Variants in JAZF1 observed in about 807,000 individuals in gnomAD.
JAZF1 encodes juxtaposed with another zinc finger protein 1.
A neutral mutation model predicts 26.4 loss-of-function variants in JAZF1; 8 were observed. That is an observed-to-expected ratio of 0.30 (90% confidence interval 0.18 to 0.55). JAZF1 has a LOEUF of 0.55. JAZF1 is among the 20% of genes least tolerant of loss of function. The pLI, the probability that JAZF1 is intolerant of heterozygous loss-of-function variation, is 0.94. For missense variants in JAZF1, 199 were observed against 322.0 expected, an observed-to-expected ratio of 0.62 and a Z score of 2.92; for synonymous variants, 126 against 122.3, an observed-to-expected ratio of 1.03 and a Z score of -0.20.
rs112707592 is a variant in JAZF1 at position 28,095,358 on chromosome 7, G to A, written c.115+85105C>T. 9.2e-5 allele frequency among the ~76,000 whole-genome samples: 14 copies of A among 152,214 alleles called. No homozygotes were observed. The South Asian group carries it at 2.5e-3, about 27-fold the overall frequency. On this transcript the variant is annotated intron_variant, in intron 1 of 4. Coordinates refer to ENST00000283928, the MANE Select transcript of JAZF1 (RefSeq NM_175061.4). The stretch of plus-strand genomic sequence containing the variant: ...GCCTCAGGAAACTTACGATCATGGC[G>A]GATGGTGAAGGGGAAGCAAAACATG...
chr7:28,075,361 G>A (rs1477807288), intron 1 of JAZF1, among the ~76,000 whole-genome samples: 9 of 152,172 alleles, frequency 5.9e-5, no homozygotes, highest in African/African-American at 2.2e-4. Flanking sequence ...TTACAACAGG[G>A]CATTTACCTG....
At chr7:28,150,981 GC>G (rs1783103777) in intron 1 of JAZF1, among the ~76,000 whole-genome samples, 1 of 152,094 alleles carries the variant, frequency 6.6e-6, no homozygotes, top group African/African-American at 2.4e-5. Context: ...AAGTTATAAG[GC>G]AAATGGAAAA....
Position 27,840,629 on chromosome 7 carries a change from G to A in JAZF1, c.555+69C>T. ...TACGCTCGCTTTAAAATCAAGAAAG[G>A]GCTGCTGCCTTCCATGAAGCTTGCC... is the stretch of plus-strand genomic sequence containing the variant. On this transcript the variant is annotated intron_variant, in intron 4 of 4. Coordinates refer to ENST00000283928, the MANE Select transcript of JAZF1 (RefSeq NM_175061.4). This position sits in a 1 kb window ranked among gnomAD's most constrained non-coding sequence, Gnocchi z 5.1. 17 of 1,510,426 alleles carry A rather than the reference G, an allele frequency of 1.1e-5. No individual in the cohort carries two copies. The highest frequency in any genetic ancestry group is 1.5e-5 in the Non-Finnish European group (17 of 1,098,362). 93.6% of individuals were successfully genotyped at this position (1,510,426 alleles called of 1,614,324 possible).
chr7:28,058,360 G>A lies in JAZF1; in HGVS notation c.116-66379C>T, dbSNP rs557101042. ...AAGAAGAGCTAGATGCAGAGAGGAC[G>A]AAAATGAGGACAAGCCAGAACCTGC... On this transcript the variant is annotated intron_variant, in intron 1 of 4. Transcript: ENST00000283928. 4.8e-4 allele frequency among the ~76,000 whole-genome samples: 73 copies of A among 152,242 alleles called. 1 individual carries two copies. In the South Asian group the frequency reaches 0.015, roughly 32 times the overall value.
At chr7:27,838,059 C>G (rs182716657) in intron 4 of JAZF1, among the ~76,000 whole-genome samples, 1 of 150,486 alleles carries the variant, frequency 6.6e-6, no homozygotes, top group Admixed American at 6.6e-5. Flanking sequence ...TCCAGAGACT[C>G]AAAGCCCTTT....
At chr7:27,865,254 C>T (rs966249976) in intron 3 of JAZF1, among the ~76,000 whole-genome samples, 3 of 152,112 alleles carry the variant, frequency 2.0e-5, no homozygotes, top group African/African-American at 4.8e-5. Context: ...CTTGTGATGC[C>T]AGCTACTCAG....
At chr7:28,165,049 G>T (rs1182038879) in intron 1 of JAZF1, among the ~76,000 whole-genome samples, 1 of 152,058 alleles carries the variant, frequency 6.6e-6, no homozygotes, top group Non-Finnish European at 1.5e-5. Context: ...CGCACCTGTA[G>T]TCCCAGATAC....
chr7:28,159,437 C>A (rs1223109651), intron 1 of JAZF1, among the ~76,000 whole-genome samples: 1 of 151,708 alleles, frequency 6.6e-6, no homozygotes, highest in Non-Finnish European at 1.5e-5. Context: ...GAGAGGAGGA[C>A]CGTGAGTGGG....
intron 3 of JAZF1, among the ~76,000 whole-genome samples, chr7:27,883,316 G>A (rs1160861624): frequency 6.6e-6 from 1 of 152,190 alleles, no homozygotes; most frequent in Non-Finnish European, 1.5e-5. Context: ...CTAGCACGAA[G>A]TGAAATATGG....
intron 2 of JAZF1, among the ~76,000 whole-genome samples, chr7:27,929,953 TCTCTCTCCCCCTCTCTCCCTCCCTCC>T (rs1165416605): frequency 2.6e-5 from 4 of 151,570 alleles, no homozygotes; most frequent in Non-Finnish European, 5.9e-5. Flanking sequence ...TCTCTCTCTC[TCTCTCTCCCCCTCTCTCCCTCCCTCC>T]CTCTCTCTCT....
At chr7:27,971,629 C>A (rs1452196778) in intron 2 of JAZF1, among the ~76,000 whole-genome samples, 3 of 152,142 alleles carry the variant, frequency 2.0e-5, no homozygotes, top group Non-Finnish European at 2.9e-5. Context: ...AGGGAAGATT[C>A]ATGGCCTTCT....
chr7:28,094,757 AATT>A (rs1190035794), intron 1 of JAZF1, among the ~76,000 whole-genome samples: 1 of 152,260 alleles, frequency 6.6e-6, no homozygotes, highest in South Asian at 2.1e-4. Context: ...GCTTTTTAAA[AATT>A]ATTATTTTTT....
rs148621769 is a variant in JAZF1, at chr7:28,136,467, C to A, written c.115+43996G>T. On this transcript the variant is annotated intron_variant, in intron 1 of 4. Coordinates refer to ENST00000283928, the MANE Select transcript of JAZF1 (RefSeq NM_175061.4). The stretch of plus-strand genomic sequence containing the variant: ...AGGGATCTGGGCTGCACCACTCCAA[C>A]AAGGATGAGTCTAGAAACAGCAGCG... Among the ~76,000 whole-genome samples the A allele has an allele frequency of 2.9e-3, 435 of 152,324 alleles. 1 individual carries two copies. The highest frequency in any genetic ancestry group is 4.5e-3 in the Non-Finnish European group (305 of 68,034).
chr7:27,835,124 C>T (rs1236692131), intron 4 of JAZF1, among the ~76,000 whole-genome samples: 2 of 152,130 alleles, frequency 1.3e-5, no homozygotes, highest in Admixed American at 6.5e-5. Flanking sequence ...CAGGACAGCT[C>T]ATTAATAATC....
At chr7:27,844,280 C>T (rs1782978148) in intron 3 of JAZF1, 1 of 152,240 alleles carries the variant, frequency 6.6e-6, no homozygotes, top group Admixed American at 6.5e-5. Flanking sequence ...CACCAAAGCC[C>T]CTGGGCCAGC....
chr7:27,867,752 C>T (rs1172747157), intron 3 of JAZF1, among the ~76,000 whole-genome samples: 1 of 152,222 alleles, frequency 6.6e-6, no homozygotes. Context: ...ACACTCCAGG[C>T]ATGACAACAA....
intron 1 of JAZF1, among the ~76,000 whole-genome samples, chr7:28,050,421 C>A (rs1284007556): frequency 6.6e-6 from 1 of 152,158 alleles, no homozygotes; most frequent in Non-Finnish European, 1.5e-5. Flanking sequence ...GTGTTGATGG[C>A]TGCACAACTC....
At chr7:27,867,554 C>T (rs1783495976) in intron 3 of JAZF1, among the ~76,000 whole-genome samples, 1 of 152,230 alleles carries the variant, frequency 6.6e-6, no homozygotes, top group Non-Finnish European at 1.5e-5. Context: ...AGAGCACCAG[C>T]AGTGTCGCTT....
intron 3 of JAZF1, among the ~76,000 whole-genome samples, chr7:27,851,236 C>T (rs945560539): frequency 1.3e-5 from 2 of 152,228 alleles, no homozygotes; most frequent in African/African-American, 4.8e-5. Context: ...AGCCACCAAG[C>T]CCAGCCTAAA....
Sources: gnomAD v4.1 joint callset for allele counts (sites outside exome capture counted in the v4.1 genomes callset) on GRCh38, gnomAD v4.1.1 for gene constraint, Gnocchi (gnomAD v3.1) non-coding constraint, MANE v1.5 for transcripts, NCBI Gene and HGNC (gene_info 2026-07-23, HGNC 2026-07-21) for gene names.